Variants in PTPRD observed in about 807,000 individuals in gnomAD.
The protein encoded by PTPRD is receptor-type tyrosine-protein phosphatase delta.
Under a neutral mutation model 214.5 loss-of-function variants are expected in PTPRD, and 34 were observed. The observed-to-expected ratio is 0.16, with a 90% CI of 0.12 to 0.21. The LOEUF (loss-of-function observed/expected upper bound fraction) is 0.21. Ranked by LOEUF, PTPRD falls within the 10% of genes least tolerant of loss-of-function variation. The pLI, the probability that PTPRD is intolerant of heterozygous loss-of-function variation, is 1.00. For synonymous variants in PTPRD, 1,128 were observed against 845.7 expected (o/e 1.33, Z -5.79); for missense variants, 2,545 against 2,398.7 (o/e 1.06, Z -1.27).
chr9:10,413,766 G>A (rs2098460384), intron 2 of PTPRD, among the ~76,000 whole-genome samples: 1 of 151,824 alleles, frequency 6.6e-6, no homozygotes, highest in Non-Finnish European at 1.5e-5. Flanking sequence ...CAGGCACATA[G>A]ACAAATGGAA....
At chr9:9,371,073 C>A (rs547009873) in intron 9 of PTPRD, among the ~76,000 whole-genome samples, 3 of 138,712 alleles carry the variant, frequency 2.2e-5, no homozygotes, top group African/African-American at 9.3e-5. Context: ...CTAAAATTCT[C>A]TTTTTTTGTT....
intron 11 of PTPRD, among the ~76,000 whole-genome samples, chr9:8,970,103 T>G (rs1056278381): frequency 2.6e-5 from 4 of 151,962 alleles, no homozygotes; most frequent in Admixed American, 2.0e-4. Flanking sequence ...GGAGTTGCCA[T>G]GTGTTCAGTT....
chr9:10,244,698 G>GA (rs1221690594), intron 3 of PTPRD, among the ~76,000 whole-genome samples: 2 of 152,030 alleles, frequency 1.3e-5, no homozygotes, highest in African/African-American at 2.4e-5. Context: ...GGCCCATATG[G>GA]AAAAAAATTG....
intron 9 of PTPRD, among the ~76,000 whole-genome samples, chr9:9,363,109 TG>T (rs1231232172): frequency 4.3e-5 from 4 of 93,432 alleles, no homozygotes; most frequent in African/African-American, 1.7e-4. Context: ...TACTATTTTG[TG>T]CTTTTTTTTT....
At chr9:10,064,212 T>G (rs896922343) in intron 3 of PTPRD, among the ~76,000 whole-genome samples, 1 of 152,016 alleles carries the variant, frequency 6.6e-6, no homozygotes, top group African/African-American at 2.4e-5. Context: ...TTAGCTTTTA[T>G]TTAATTCTGC....
chr9:8,410,503 C>G (rs540834238), intron 35 of PTPRD, among the ~76,000 whole-genome samples: 39 of 152,292 alleles, frequency 2.6e-4, no homozygotes, highest in Admixed American at 4.6e-4. Flanking sequence ...TACTGAGTCT[C>G]TCTCTGTAAG....
At chr9:8,755,298 G>C (rs1275101743) in intron 11 of PTPRD, among the ~76,000 whole-genome samples, 1 of 151,736 alleles carries the variant, frequency 6.6e-6, no homozygotes, top group Non-Finnish European at 1.5e-5. Flanking sequence ...GGGAGGCCGA[G>C]GTGGACGGAT....
At chr9:8,688,210 A>C (rs1302395275) in intron 12 of PTPRD, among the ~76,000 whole-genome samples, 2 of 152,096 alleles carry the variant, frequency 1.3e-5, no homozygotes, top group East Asian at 1.9e-4. Flanking sequence ...CCCTTATCCC[A>C]TTATTCTTTC....
At chr9:9,222,685 C>A (rs2099956911) in intron 9 of PTPRD, among the ~76,000 whole-genome samples, 1 of 151,988 alleles carries the variant, frequency 6.6e-6, no homozygotes, top group South Asian at 2.1e-4. Context: ...ACAACAGATA[C>A]ACCCTATTAT....
At chr9:9,825,582 G>C (rs918679810) in intron 5 of PTPRD, among the ~76,000 whole-genome samples, 1 of 151,872 alleles carries the variant, frequency 6.6e-6, no homozygotes, top group African/African-American at 2.4e-5. Flanking sequence ...TTATTTCTGT[G>C]AGTAATCACA....
At position 8,516,129 on chromosome 9, in the gene PTPRD, A is replaced by G. The variant is rs2138281079; in HGVS notation, c.1543+1719T>C. 1.3e-5 allele frequency among the ~76,000 whole-genome samples: 2 copies of G among 152,354 alleles called. 1 individual carries two copies. The highest frequency in any genetic ancestry group is 4.1e-4 in the South Asian group (2 of 4,830). On this transcript the variant is annotated intron_variant, in intron 21 of 45. Coordinates refer to ENST00000381196, the MANE Select transcript of PTPRD (RefSeq NM_002839.4). ...ATTGTTATGTAGCTGCTAAAACAGT[A>G]TAATAAAAAGCAATCTCATAATAGT...
At chr9:9,850,666 T>C (rs144970617) in intron 5 of PTPRD, among the ~76,000 whole-genome samples, 2 of 152,316 alleles carry the variant, frequency 1.3e-5, no homozygotes, top group East Asian at 1.9e-4. Context: ...GTATCACATA[T>C]TTGTTTTTTA....
intron 10 of PTPRD, among the ~76,000 whole-genome samples, chr9:9,164,608 C>T (rs2099897955): frequency 6.6e-6 from 1 of 152,246 alleles, no homozygotes; most frequent in South Asian, 2.1e-4. Context: ...AAAATCTTTT[C>T]TCTTCCCTTC....
chr9:9,488,813 C>T (rs558363509), intron 8 of PTPRD, among the ~76,000 whole-genome samples: 4 of 152,264 alleles, frequency 2.6e-5, no homozygotes, highest in East Asian at 1.9e-4. Context: ...TCATTCTCCA[C>T]CCCTAGCCAC....
chr9:10,046,542 A>G (rs1380629082), intron 3 of PTPRD, among the ~76,000 whole-genome samples: 1 of 151,912 alleles, frequency 6.6e-6, no homozygotes, highest in Non-Finnish European at 1.5e-5. Flanking sequence ...AGAATGAAAA[A>G]TATTAAAGAT....
intron 3 of PTPRD, among the ~76,000 whole-genome samples, chr9:10,079,198 G>A (rs1018987669): frequency 6.6e-6 from 1 of 151,866 alleles, no homozygotes; most frequent in African/African-American, 2.4e-5. Flanking sequence ...GCAAGCTTCC[G>A]AACTCCATGT....
chr9:9,503,283 G>GTT (rs57010858), intron 8 of PTPRD, among the ~76,000 whole-genome samples: 1 of 148,290 alleles, frequency 6.7e-6, no homozygotes. Flanking sequence ...ACCAAAAAAA[G>GTT]TTTTTTTTTT....
At chr9:9,982,463 T>TG (rs2095573209) in intron 4 of PTPRD, among the ~76,000 whole-genome samples, 1 of 111,110 alleles carries the variant, frequency 9.0e-6, no homozygotes, top group Non-Finnish European at 1.9e-5. Context: ...ATATTGTTGT[T>TG]GTGGTGGTGG....
In PTPRD at chr9:9,809,264, A is replaced by ATTT. The variant is rs58701533; in HGVS notation, c.-367-42416_-367-42414dup. 3.2e-4 allele frequency among the ~76,000 whole-genome samples: 38 copies of ATTT among 118,192 alleles called. 1 individual carries two copies. The highest frequency in any genetic ancestry group is 8.8e-4 in the East Asian group (3 of 3,418). 77.5% of individuals were successfully genotyped at this position (118,192 alleles called of 152,430 possible). The stretch of plus-strand genomic sequence containing the variant: ...AGATAAAGGGCCTTAGCCACAAGAG[A>ATTT]TTTTTTTTTTTTTTTTTTTTTCAGA... On this transcript the variant is annotated intron_variant, in intron 5 of 45. Coordinates refer to ENST00000381196, the MANE Select transcript of PTPRD (RefSeq NM_002839.4).
Sources: gnomAD v4.1 joint callset for allele counts (sites outside exome capture counted in the v4.1 genomes callset) on GRCh38, gnomAD v4.1.1 for gene constraint, MANE v1.5 for transcripts, NCBI Gene and HGNC (gene_info 2026-07-23, HGNC 2026-07-21) for gene names.